Variants in DOCK2 observed in about 807,000 individuals in gnomAD.
DOCK2 encodes the protein dedicator of cytokinesis 2.
DOCK2 carries 87 observed loss-of-function variants against 248.9 expected under a neutral mutation model. That is an observed-to-expected ratio of 0.35 (90% CI 0.29 to 0.42). The LOEUF (loss-of-function observed/expected upper bound fraction) is 0.42, where lower values mean the gene tolerates loss of function less well. Among genes scored for constraint, DOCK2 ranks in the 10% least tolerant of loss-of-function variants. The pLI is 1.00. For synonymous variants in DOCK2, 805 were observed against 821.6 expected, an observed-to-expected ratio of 0.98 and a Z score of 0.35; for missense variants, 1,747 against 2,300.2, an observed-to-expected ratio of 0.76 and a Z score of 4.92.
At chr5:169,704,408 C>T (rs1348701962) in intron 14 of DOCK2, among the ~76,000 whole-genome samples, 1 of 152,082 alleles carries the variant, frequency 6.6e-6, no homozygotes, top group African/African-American at 2.4e-5. Flanking sequence ...GGAGGTTAGG[C>T]CTGCTCATGG....
At chr5:169,983,687 G>GC (rs1251843740) in intron 28 of DOCK2, among the ~76,000 whole-genome samples, 4 of 152,256 alleles carry the variant, frequency 2.6e-5, no homozygotes, top group Non-Finnish European at 5.9e-5. Flanking sequence ...GGCTGTTCCT[G>GC]CCCCAAGGGT....
chr5:170,045,836 T>A lies in DOCK2; in HGVS notation c.3897T>A (p.Ser1299Arg). The A allele has an allele frequency of 6.2e-7, 1 of 1,614,102 alleles. No homozygotes were observed. The highest frequency in any genetic ancestry group is 8.5e-7 in the Non-Finnish European group (1 of 1,180,006). Residue 1299 changes from serine (S) to arginine (R), a missense_variant, in exon 39 of 52, where the codon AGT becomes AGA. This residue lies in a region of DOCK2 where 858 missense variants were observed against 1,183.5 expected (regional missense o/e 0.72). Coordinates refer to ENST00000520908, the MANE Select transcript of DOCK2 (RefSeq NM_004946.3). ...TGTAGATGTGGGAAGAGGCCATAAG[T>A]CTGTGCAAGGAGCTGGCGGAACAGT... ...DKGKMWEEAI[S>R]LCKELAEQYE...
chr5:169,945,351 G>A (rs1776403034), intron 27 of DOCK2, among the ~76,000 whole-genome samples: 2 of 152,246 alleles, frequency 1.3e-5, no homozygotes, highest in Non-Finnish European at 2.9e-5. Context: ...ATTTTGGGCA[G>A]AGAGCTCAAG....
intron 5 of DOCK2, 151 bp from the exon 6 acceptor site, chr5:169,674,146 C>A: frequency 1.3e-6 from 1 of 789,784 alleles, no homozygotes; most frequent in Non-Finnish European, 1.9e-6. Context: ...ACGACTAGGA[C>A]CCCCACCTAA....
At chr5:169,771,427 G>A (rs1765080048) in intron 25 of DOCK2, among the ~76,000 whole-genome samples, 1 of 152,158 alleles carries the variant, frequency 6.6e-6, no homozygotes, top group African/African-American at 2.4e-5. Flanking sequence ...GGGATTACAG[G>A]TGTGTGCCAC....
intron 26 of DOCK2, among the ~76,000 whole-genome samples, chr5:169,806,224 T>TTG (rs1378571935): frequency 1.3e-5 from 2 of 150,736 alleles, no homozygotes; most frequent in African/African-American, 4.9e-5. Context: ...CGAGAGTTTT[T>TTG]TTTTTTTTTT....
At chr5:169,955,102 C>A (rs1776809547) in intron 27 of DOCK2, among the ~76,000 whole-genome samples, 1 of 152,200 alleles carries the variant, frequency 6.6e-6, no homozygotes, top group African/African-American at 2.4e-5. Context: ...AGCAAGGCAA[C>A]CCCATAACCT....
chr5:169,839,571 T>A (rs1194890421), intron 26 of DOCK2, among the ~76,000 whole-genome samples: 1 of 152,182 alleles, frequency 6.6e-6, no homozygotes, highest in Non-Finnish European at 1.5e-5. Context: ...AAGATATAGA[T>A]GAATATGCTT....
At chr5:169,846,750 G>A (rs30081) in intron 27 of DOCK2, among the ~76,000 whole-genome samples, 21,386 of 152,012 alleles carry the variant, frequency 0.14, 1,887 homozygotes, top group Middle Eastern at 0.22. Flanking sequence ...TTTGTTACAT[G>A]GATGAATTAT....
At chr5:169,997,315 G>T (rs918069367) in intron 30 of DOCK2, among the ~76,000 whole-genome samples, 1 of 137,280 alleles carries the variant, frequency 7.3e-6, no homozygotes, top group Admixed American at 7.3e-5. Flanking sequence ...GTTTTATACC[G>T]AGACATTCCA....
intron 6 of DOCK2, among the ~76,000 whole-genome samples, chr5:169,678,913 A>G (rs1358708459): frequency 2.6e-5 from 4 of 152,204 alleles, no homozygotes; most frequent in Admixed American, 2.6e-4. Context: ...AGGAATTATT[A>G]GGTGAAATGG....
At chr5:170,078,889 G>A (rs564676994) in intron 48 of DOCK2, 86 bp from the exon 49 acceptor site, 94 of 1,509,012 alleles carry the variant, frequency 6.2e-5, no homozygotes, top group Admixed American at 5.7e-4. Flanking sequence ...CAGCCCAAAG[G>A]TCCCCTTCAG....
At chr5:169,714,623 A>C (rs1473373900) in intron 19 of DOCK2, among the ~76,000 whole-genome samples, 166 bp downstream of exon 19, 1 of 152,148 alleles carries the variant, frequency 6.6e-6, no homozygotes, top group Non-Finnish European at 1.5e-5. Context: ...TGGGAAATCC[A>C]GGGGAGTGAC....
At chr5:169,828,998 C>G (rs530737905) in intron 26 of DOCK2, among the ~76,000 whole-genome samples, 1 of 152,232 alleles carries the variant, frequency 6.6e-6, no homozygotes, top group East Asian at 1.9e-4. Context: ...TTATGACTCC[C>G]TACCTCAGAG....
At chr5:169,960,813 G>A (rs1777056149) in intron 27 of DOCK2, among the ~76,000 whole-genome samples, 1 of 152,170 alleles carries the variant, frequency 6.6e-6, no homozygotes, top group Non-Finnish European at 1.5e-5. Flanking sequence ...TCTGTTCTGA[G>A]TCATGTGATG....
chr5:169,711,893 C>T (rs1205619856), intron 15 of DOCK2, 42 bp from the exon 16 acceptor site: 1 of 1,611,486 alleles, frequency 6.2e-7, no homozygotes, highest in Admixed American at 1.7e-5. Context: ...GGGGAGGGCC[C>T]TTTAACTCAT....
intron 39 of DOCK2, 67 bp from the exon 40 acceptor site, chr5:170,047,443 C>T: frequency 1.4e-6 from 2 of 1,403,246 alleles, no homozygotes; most frequent in African/African-American, 1.4e-5. Flanking sequence ...TTCACCAAGG[C>T]CTCTTTGAGT....
At chr5:169,978,482 G>A (rs1488224770) in intron 27 of DOCK2, among the ~76,000 whole-genome samples, 2 of 149,994 alleles carry the variant, frequency 1.3e-5, no homozygotes, top group Non-Finnish European at 3.0e-5. Flanking sequence ...TATTGGCATT[G>A]TCAATATCAT....
chr5:169,680,319 G>A (rs144690193), intron 6 of DOCK2, among the ~76,000 whole-genome samples: 3 of 152,326 alleles, frequency 2.0e-5, no homozygotes, highest in Non-Finnish European at 4.4e-5. Flanking sequence ...TATGTGAGCT[G>A]ATTGTAAGTG....
Sources: gnomAD v4.1 joint callset for allele counts (sites outside exome capture counted in the v4.1 genomes callset) on GRCh38, gnomAD v4.1.1 for gene constraint, gnomAD v4.1.1 regional missense constraint, MANE v1.5 for transcripts, NCBI Gene and HGNC (gene_info 2026-07-23, HGNC 2026-07-21) for gene names.